WDFY2: variants seen among roughly 807,000 people sequenced by gnomAD.
WDFY2 encodes WD repeat and FYVE domain containing 2.
In WDFY2, 36 loss-of-function variants were observed where a neutral mutation model predicts 56.4. That is an observed-to-expected ratio of 0.64 (90% CI 0.49 to 0.84). The LOEUF is 0.84. WDFY2 is among the 40% of genes least tolerant of loss of function. The pLI, the probability that WDFY2 is intolerant of heterozygous loss-of-function variation, is 0.00. For missense variants in WDFY2, 444 were observed against 512.2 expected (o/e 0.87, Z 1.29); for synonymous variants, 176 against 183.7 (o/e 0.96, Z 0.34).
At chr13:51,712,900 A>G (rs1358040887) in intron 4 of WDFY2, among the ~76,000 whole-genome samples, 1 of 152,200 alleles carries the variant, frequency 6.6e-6, no homozygotes, top group Admixed American at 6.5e-5. Context: ...TTTGAAAAAT[A>G]CAAATTGTGA....
intron 1 of WDFY2, chr13:51,588,603 T>C (rs763984101): frequency 6.6e-5 from 10 of 152,140 alleles, no homozygotes; most frequent in Non-Finnish European, 8.8e-5. Flanking sequence ...CAGATGGGTC[T>C]TGCAGGGTGA....
intron 7 of WDFY2, among the ~76,000 whole-genome samples, chr13:51,746,883 C>T (rs1953116670): frequency 6.6e-6 from 1 of 152,162 alleles, no homozygotes; most frequent in South Asian, 2.1e-4. Context: ...GTAATTAATT[C>T]TTGTTCTGAT....
At chr13:51,733,089 G>A (rs1430239630) in intron 6 of WDFY2, among the ~76,000 whole-genome samples, 1 of 152,230 alleles carries the variant, frequency 6.6e-6, no homozygotes, top group Non-Finnish European at 1.5e-5. Context: ...AGGCTGGAGT[G>A]TAGTGGCACG....
intron 5 of WDFY2, among the ~76,000 whole-genome samples, chr13:51,725,661 T>C (rs569865700): frequency 1.4e-4 from 21 of 151,212 alleles, no homozygotes; most frequent in Admixed American, 1.4e-3. Flanking sequence ...TATATACATA[T>C]GTGTGTGTGT....
At chr13:51,717,247 A>G (rs796790363) in intron 4 of WDFY2, among the ~76,000 whole-genome samples, 1 of 152,272 alleles carries the variant, frequency 6.6e-6, no homozygotes, top group African/African-American at 2.4e-5. Context: ...CAATAAAAGA[A>G]TCTTTTTCAC....
intron 1 of WDFY2, chr13:51,587,171 C>A (rs564314444): frequency 2.0e-5 from 3 of 152,322 alleles, no homozygotes; most frequent in African/African-American, 7.2e-5. Context: ...TAATGAAACC[C>A]TGGTTTATCT....
intron 1 of WDFY2, among the ~76,000 whole-genome samples, chr13:51,633,127 G>A (rs1173845858): frequency 6.6e-6 from 1 of 152,286 alleles, no homozygotes; most frequent in South Asian, 2.1e-4. Flanking sequence ...CTGGCCCGCT[G>A]GGGTAGTTTC....
At chr13:51,651,107 A>G (rs573617014) in intron 1 of WDFY2, among the ~76,000 whole-genome samples, 40 of 152,210 alleles carry the variant, frequency 2.6e-4, no homozygotes, top group Non-Finnish European at 3.8e-4. Context: ...TTATTGGTCT[A>G]TTCAGAGATT....
At chr13:51,712,112 C>T (rs1952233488) in intron 4 of WDFY2, among the ~76,000 whole-genome samples, 1 of 152,182 alleles carries the variant, frequency 6.6e-6, no homozygotes, top group South Asian at 2.1e-4. Context: ...GAATACTATG[C>T]AGCCATAAAA....
intron 1 of WDFY2, among the ~76,000 whole-genome samples, chr13:51,604,306 T>C (rs553138679): frequency 2.6e-5 from 4 of 152,204 alleles, no homozygotes; most frequent in Non-Finnish European, 5.9e-5. Context: ...AAATCTCTGC[T>C]TCAGATTAGC....
At chr13:51,754,466 G>C (rs1953316777) in intron 8 of WDFY2, among the ~76,000 whole-genome samples, 1 of 152,206 alleles carries the variant, frequency 6.6e-6, no homozygotes, top group Non-Finnish European at 1.5e-5. Context: ...AGAACAGGGA[G>C]TTTTCTGACA....
At chr13:51,738,991 C>A (rs1952903236) in intron 6 of WDFY2, 58 bp from the exon 7 acceptor site, 4 of 1,426,974 alleles carry the variant, frequency 2.8e-6, no homozygotes, top group Non-Finnish European at 9.3e-7. Context: ...ATTCACATTT[C>A]TTTTGTGGGT....
In WDFY2 at chr13:51,727,696, G is replaced by T. The variant is rs372428176; in HGVS notation, c.504G>T (p.Arg168=). The T allele has an allele frequency of 1.2e-6, 2 of 1,613,572 alleles. No individual in the cohort carries two copies. Among genetic ancestry groups the T allele is most frequent in the Non-Finnish European group, 1.7e-6 (2 of 1,179,908 alleles). ...ASGLQFDVET[R]HVFIGDHSGQ... Reference sequence around the variant, plus strand: ...ATGACAGATTTGATGTTGAAACCCGGCATGTGTTTATCGGTGACCACTCAG... The same window carrying T: ...ATGACAGATTTGATGTTGAAACCCGTCATGTGTTTATCGGTGACCACTCAG... Residue 168 remains arginine (R), a synonymous_variant, in exon 6 of 12, where the codon CGG becomes CGT. Coordinates refer to ENST00000298125, the MANE Select transcript of WDFY2 (RefSeq NM_052950.4).
At chr13:51,717,218 T>C (rs1013696363) in intron 4 of WDFY2, among the ~76,000 whole-genome samples, 18 of 152,334 alleles carry the variant, frequency 1.2e-4, no homozygotes, top group African/African-American at 3.8e-4. Context: ...ATAAGTTATG[T>C]ATCTTTGAAA....
intron 4 of WDFY2, among the ~76,000 whole-genome samples, chr13:51,707,891 G>A (rs968309053): frequency 2.0e-5 from 3 of 148,108 alleles, no homozygotes; most frequent in African/African-American, 7.5e-5. Context: ...TAGCACTTGG[G>A]GAAAGACCAT....
intron 4 of WDFY2, among the ~76,000 whole-genome samples, chr13:51,707,966 TTTTTTG>T (rs1952123162): frequency 7.7e-6 from 1 of 129,682 alleles, no homozygotes; most frequent in Non-Finnish European, 1.6e-5. Context: ...TTTTTTTTTT[TTTTTTG>T]GAGACTGAGT....
intron 1 of WDFY2, among the ~76,000 whole-genome samples, chr13:51,601,454 G>C (rs541973060): frequency 6.7e-6 from 1 of 149,722 alleles, no homozygotes; most frequent in South Asian, 2.1e-4. Flanking sequence ...TGCTTTTGTC[G>C]CCCAGGCTGG....
intron 3 of WDFY2, 66 bp from the exon 4 acceptor site, chr13:51,703,530 T>C: frequency 4.0e-6 from 5 of 1,262,122 alleles, no homozygotes; most frequent in Non-Finnish European, 5.6e-6. Context: ...TCAGTCTGGT[T>C]TTACCAAATA....
At chr13:51,611,873 G>A (rs1427131192) in intron 1 of WDFY2, among the ~76,000 whole-genome samples, 2 of 152,138 alleles carry the variant, frequency 1.3e-5, no homozygotes, top group African/African-American at 4.8e-5. Context: ...TTTTTCTGCT[G>A]CCTGTTGTCA....
Sources: allele counts gnomAD v4.1 joint callset (sites outside exome capture counted in the v4.1 genomes callset), GRCh38; gene constraint gnomAD v4.1.1; transcripts MANE v1.5; gene names NCBI Gene and HGNC (gene_info 2026-07-23, HGNC 2026-07-21).